The following SMPDL3B variants were observed in gnomAD, a reference collection of about 807,000 sequenced individuals.
The protein encoded by SMPDL3B is sphingomyelin phosphodiesterase acid like 3B.
Under a neutral mutation model 37.9 loss-of-function variants are expected in SMPDL3B, and 31 were observed. The observed-to-expected ratio is 0.82, with a 90% CI of 0.61 to 1.10. The LOEUF (loss-of-function observed/expected upper bound fraction) is 1.10. SMPDL3B is among the 50% of genes least tolerant of loss of function. The probability of loss-of-function intolerance (pLI) is 0.00; values close to 1 mark genes in which losing one functional copy is unlikely to be tolerated. For missense variants in SMPDL3B, 525 were observed against 597.8 expected (o/e 0.88, Z 1.27); for synonymous variants, 235 against 242.6 (o/e 0.97, Z 0.29).
chr1:27,940,915 C>T (rs890786137), intron 1 of SMPDL3B, among the ~76,000 whole-genome samples: 2 of 152,152 alleles, frequency 1.3e-5, no homozygotes, highest in African/African-American at 2.4e-5. Context: ...CGGTATGGTG[C>T]GTTGGGATTG....
intron 1 of SMPDL3B, among the ~76,000 whole-genome samples, chr1:27,942,850 C>T (rs936129965): frequency 7.2e-5 from 11 of 151,882 alleles, no homozygotes; most frequent in African/African-American, 2.2e-4. Flanking sequence ...TCTGTAGAGA[C>T]GAAGTCTTGC....
At chr1:27,955,227 C>T (rs562101319) in intron 5 of SMPDL3B, among the ~76,000 whole-genome samples, 21 of 152,290 alleles carry the variant, frequency 1.4e-4, no homozygotes, top group African/African-American at 5.1e-4. Context: ...TAACTCTGTC[C>T]CCTGTTCTAA....
At chr1:27,949,253 G>A in intron 3 of SMPDL3B, 91 bp downstream of exon 3, 7 of 1,347,306 alleles carry the variant, frequency 5.2e-6, no homozygotes, top group Non-Finnish European at 7.4e-6. Context: ...GAGTGTCCTG[G>A]CTGACCTTCA....
chr1:27,946,877 T>C (rs575068137), intron 2 of SMPDL3B, among the ~76,000 whole-genome samples: 29 of 152,320 alleles, frequency 1.9e-4, no homozygotes, highest in African/African-American at 6.0e-4. Context: ...TCTGGCTTCC[T>C]TGGGCTCAGG....
intron 1 of SMPDL3B, chr1:27,936,484 C>A (rs1012613947): frequency 6.6e-6 from 1 of 151,594 alleles, no homozygotes; most frequent in Non-Finnish European, 1.5e-5. Context: ...GAAAAAAATT[C>A]TCTTTATAGC....
At chr1:27,957,661 A>T (rs934668701) in intron 7 of SMPDL3B, among the ~76,000 whole-genome samples, 21 of 152,134 alleles carry the variant, frequency 1.4e-4, no homozygotes, top group African/African-American at 5.1e-4. Flanking sequence ...GGGTTTAAAG[A>T]GTGGCCTGTT....
At chr1:27,946,387 AC>A (rs1487865909) in intron 2 of SMPDL3B, among the ~76,000 whole-genome samples, 1 of 151,306 alleles carries the variant, frequency 6.6e-6, no homozygotes, top group African/African-American at 2.4e-5. Flanking sequence ...AAAAAAAGAT[AC>A]CCCCATCTCC....
Position 27,945,750 on chromosome 1 carries a change from G to C in SMPDL3B, c.275+305G>C, listed in dbSNP as rs544951908. Among the ~76,000 whole-genome samples the C allele has an allele frequency of 2.0e-5, 3 of 152,258 alleles. No individual in the cohort carries two copies. The East Asian group carries it at 5.8e-4, about 29-fold the overall frequency. The stretch of plus-strand genomic sequence containing the variant: ...AGAGTGTCCAGGTTTTAAGCTATGG[G>C]TGGACACTGGAGCCATTTCCCCTGG... On this transcript the variant is annotated intron_variant, in intron 2 of 7. Coordinates refer to ENST00000373894, the MANE Select transcript of SMPDL3B (RefSeq NM_014474.4). The surrounding 1 kb of genome is among the most constrained non-coding windows in gnomAD (Gnocchi z 4.0).
Position 27,958,707 on chromosome 1 carries a change from C to T in SMPDL3B, c.1237C>T (p.His413Tyr), listed in dbSNP as rs373310625. Residue 413 changes from histidine (H) to tyrosine (Y), a missense_variant, in exon 8 of 8, where the codon CAC becomes TAC. His to Tyr is a moderately conservative substitution (Grantham distance 83). Transcript: ENST00000373894. The surrounding 1 kb of genome is among the most constrained non-coding windows in gnomAD (Gnocchi z 5.6). ...GVCDEACSMQ[H>Y]VCAMRQVDID... The stretch of plus-strand genomic sequence containing the variant: ...CTGCGACGAGGCCTGCAGCATGCAG[C>T]ACGTGTGTGCCATGCGCCAGGTGGA... 165 of 1,613,782 alleles carry T rather than the reference C, an allele frequency of 1.0e-4. No individual in the cohort carries two copies. Among genetic ancestry groups the T allele is most frequent in the Non-Finnish European group, 1.4e-4 (163 of 1,180,048 alleles).
At chr1:27,957,058 C>G (rs573271598) in intron 7 of SMPDL3B, among the ~76,000 whole-genome samples, 1 of 151,944 alleles carries the variant, frequency 6.6e-6, no homozygotes, top group Non-Finnish European at 1.5e-5. Flanking sequence ...AGGGGAGGTC[C>G]GATCTTGCAG....
chr1:27,951,691 A>T (rs771339468), intron 3 of SMPDL3B, among the ~76,000 whole-genome samples: 22 of 151,832 alleles, frequency 1.4e-4, no homozygotes, highest in Non-Finnish European at 2.9e-4. Context: ...TACAAAAAAT[A>T]AAAAAAAATT....
intron 3 of SMPDL3B, among the ~76,000 whole-genome samples, chr1:27,952,347 T>C (rs2090461904): frequency 6.6e-6 from 1 of 152,148 alleles, no homozygotes; most frequent in African/African-American, 2.4e-5. Context: ...ATTTCCCAAC[T>C]GGAATGGGAG....
rs766413085 is a variant in SMPDL3B at position 27,958,511 on chromosome 1, G to A, written c.1041G>A (p.Ala347=). The A allele has an allele frequency of 1.4e-5, 23 of 1,612,510 alleles. No homozygotes were observed. Among genetic ancestry groups the A allele is most frequent in the South Asian group, 5.5e-5 (5 of 90,968 alleles). Residue 347 remains alanine, a synonymous_variant, in exon 8 of 8, where the codon GCG becomes GCA. Transcript: ENST00000373894. The surrounding 1 kb of genome is among the most constrained non-coding windows in gnomAD (Gnocchi z 5.6). Reference sequence around the variant, plus strand: ...CCTACTTCATGAACCTGAGCCAGGCGAATGCTCAGGGGACGCCGCGCTGGG... The same window carrying A: ...CCTACTTCATGAACCTGAGCCAGGCAAATGCTCAGGGGACGCCGCGCTGGG... ...MVTYFMNLSQ[A]NAQGTPRWEL... is the part of the protein sequence containing the mutation.
chr1:27,939,458 C>T (rs1228081259), intron 1 of SMPDL3B, among the ~76,000 whole-genome samples: 8 of 152,144 alleles, frequency 5.3e-5, no homozygotes. Flanking sequence ...TTTAGGGATC[C>T]TCCTGCCTCA....
At chr1:27,949,520 G>A (rs1388772688) in intron 3 of SMPDL3B, among the ~76,000 whole-genome samples, 1 of 152,206 alleles carries the variant, frequency 6.6e-6, no homozygotes, top group Admixed American at 6.5e-5. Context: ...CTGCTCTGGA[G>A]TTGGCATCCA....
chr1:27,953,011 T>C (rs778464741), intron 3 of SMPDL3B, among the ~76,000 whole-genome samples: 3 of 152,230 alleles, frequency 2.0e-5, no homozygotes, highest in African/African-American at 2.4e-5. Context: ...GGGACTGTGA[T>C]GAAAGAACCC....
At chr1:27,957,763 G>T (rs1362395598) in intron 7 of SMPDL3B, among the ~76,000 whole-genome samples, 1 of 152,174 alleles carries the variant, frequency 6.6e-6, no homozygotes, top group African/African-American at 2.4e-5. Context: ...CAGGGAGGGA[G>T]TCAGCCCTGA....
In SMPDL3B at chr1:27,945,654, C is replaced by T. The variant is rs1334284344; in HGVS notation, c.275+209C>T. Reference sequence around the variant, plus strand: ...CAGTCTGTGTCCTCGACCTCCATGTCTCCTGGCTGTGGCAGAACGCAGCTC... The same window carrying T: ...CAGTCTGTGTCCTCGACCTCCATGTTTCCTGGCTGTGGCAGAACGCAGCTC... On this transcript the variant is annotated intron_variant, in intron 2 of 7. Coordinates refer to ENST00000373894, the MANE Select transcript of SMPDL3B (RefSeq NM_014474.4). This position sits in a 1 kb window ranked among gnomAD's most constrained non-coding sequence, Gnocchi z 4.0. Among the ~76,000 whole-genome samples, 1 of 152,224 alleles carries T rather than the reference C, an allele frequency of 6.6e-6. No individual in the cohort carries two copies. The highest frequency in any genetic ancestry group is 1.5e-5 in the Non-Finnish European group (1 of 68,044).
At position 27,954,409 on chromosome 1, in the gene SMPDL3B, C is replaced by A. The variant is rs765276349; in HGVS notation, c.573C>A (p.Val191=). 1 of 1,614,052 alleles carries A rather than the reference C, an allele frequency of 6.2e-7. No homozygotes were observed. Among genetic ancestry groups the A allele is most frequent in the Admixed American group, 1.7e-5 (1 of 60,016 alleles). ...PGPSGAGRIV[V]LNTNLYYTSN... is the part of the protein sequence containing the mutation. ...CCAGCGGGGCTGGGCGAATTGTGGT[C>A]CTCAACACCAATCTGTACTATACCA... The change falls in exon 5 of 8, where the codon GTC becomes GTA. Residue 191 remains valine (V), a synonymous_variant. Transcript: ENST00000373894.
Sources: allele counts gnomAD v4.1 joint callset (sites outside exome capture counted in the v4.1 genomes callset), GRCh38; gene constraint gnomAD v4.1.1; non-coding constraint Gnocchi (gnomAD v3.1); transcripts MANE v1.5; gene names NCBI Gene and HGNC (gene_info 2026-07-23, HGNC 2026-07-21).